MAP2K5: variants seen among roughly 807,000 people sequenced by gnomAD.
MAP2K5 encodes dual specificity mitogen-activated protein kinase kinase 5.
MAP2K5 carries 49 observed loss-of-function variants against 83.1 expected under a neutral mutation model. The ratio of observed to expected loss-of-function variants is 0.59; its 90% CI spans 0.47 to 0.75. The LOEUF (loss-of-function observed/expected upper bound fraction) is 0.75, where lower values mean the gene tolerates loss of function less well. Among genes scored for constraint, MAP2K5 ranks in the 30% least tolerant of loss-of-function variants. The pLI is 0.00. For missense variants in MAP2K5, 457 were observed against 557.5 expected, an observed-to-expected ratio of 0.82 and a Z score of 1.82; for synonymous variants, 202 against 191.8, an observed-to-expected ratio of 1.05 and a Z score of -0.44.
chr15:67,655,951 C>T (rs1596733284), intron 11 of MAP2K5, among the ~76,000 whole-genome samples: 1 of 152,052 alleles, frequency 6.6e-6, no homozygotes, highest in Non-Finnish European at 1.5e-5. Flanking sequence ...TTCCATTGAC[C>T]TATCTTTACC....
chr15:67,607,001 G>T (rs574398349), intron 8 of MAP2K5, among the ~76,000 whole-genome samples: 1 of 152,258 alleles, frequency 6.6e-6, no homozygotes, highest in African/African-American at 2.4e-5. Flanking sequence ...ACCCAGCTTC[G>T]CTTGTGGCTG....
chr15:67,624,589 TTGTGTGTGTGTGTG>T (rs71142388), intron 8 of MAP2K5, among the ~76,000 whole-genome samples: 29,797 of 141,618 alleles, frequency 0.21, 3,338 homozygotes, highest in East Asian at 0.41. Context: ...CACGATCTCT[TTGTGTGTGTGTGTG>T]TGTGTGTGTG....
In MAP2K5 at chr15:67,665,472, A is replaced by G. The variant is rs2087352328; in HGVS notation, c.847+827A>G. Among the ~76,000 whole-genome samples, 1 of 152,224 alleles carries G rather than the reference A, an allele frequency of 6.6e-6. No homozygotes were observed. Among genetic ancestry groups the G allele is most frequent in the Non-Finnish European group, 1.5e-5 (1 of 68,030 alleles). On this transcript the variant is annotated intron_variant, in intron 13 of 21. Transcript: ENST00000178640. The surrounding 1 kb of genome is among the most constrained non-coding windows in gnomAD (Gnocchi z 4.2). Reference sequence around the variant, plus strand: ...ATTTGGGGAATGGAACAGCATACACATTAGATGTGACTAAAGGAAAGTTTT... The same window carrying G: ...ATTTGGGGAATGGAACAGCATACACGTTAGATGTGACTAAAGGAAAGTTTT...
In MAP2K5 at chr15:67,785,234, C is replaced by T. The variant is rs975360093; in HGVS notation, c.1242+12482C>T. On this transcript the variant is annotated intron_variant, in intron 21 of 21. Coordinates refer to ENST00000178640, the MANE Select transcript of MAP2K5 (RefSeq NM_145160.3). The surrounding 1 kb of genome is among the most constrained non-coding windows in gnomAD (Gnocchi z 4.4). The stretch of plus-strand genomic sequence containing the variant: ...TGCTGGGATTACAGGTGTGAGCCAC[C>T]GTGCCCGGCCCCGAACTGTTTCTTA... Among the ~76,000 whole-genome samples the T allele has an allele frequency of 1.1e-4, 16 of 152,194 alleles. No individual in the cohort carries two copies. Among genetic ancestry groups the T allele is most frequent in the African/African-American group, 2.7e-4 (11 of 41,444 alleles).
chr15:67,621,934 A>G (rs970044138), intron 8 of MAP2K5, among the ~76,000 whole-genome samples: 1 of 152,206 alleles, frequency 6.6e-6, no homozygotes, highest in Non-Finnish European at 1.5e-5. Context: ...CTGTAATCCC[A>G]GCATTTTGGG....
At chr15:67,590,446 C>CTCTCTTT (rs1555529574) in intron 6 of MAP2K5, among the ~76,000 whole-genome samples, 1 of 30,544 alleles carries the variant, frequency 3.3e-5, no homozygotes, top group South Asian at 2.1e-3. Flanking sequence ...TCCCTCCCTC[C>CTCTCTTT]CTCTCTCTCT....
At position 67,769,738 on chromosome 15, in the gene MAP2K5, C is replaced by G. The variant is rs1472314965; in HGVS notation, c.1196+75C>G. ...CATTAACTCGGCAGCTCCGTGAGAC[C>G]TTATGGCTCTCCCTGCATCCTTTTG... On this transcript the variant is annotated intron_variant, in intron 20 of 21. Transcript: ENST00000178640. This position sits in a 1 kb window ranked among gnomAD's most constrained non-coding sequence, Gnocchi z 5.2. The G allele has an allele frequency of 7.0e-7, 1 of 1,434,862 alleles. No homozygotes were observed. Among genetic ancestry groups the G allele is most frequent in the Non-Finnish European group, 9.8e-7 (1 of 1,022,472 alleles). The allele number at this position is 1,434,862 out of a possible 1,614,324, so 88.9% of individuals were successfully genotyped here.
intron 3 of MAP2K5, among the ~76,000 whole-genome samples, chr15:67,564,150 G>T (rs1415491843): frequency 6.6e-6 from 1 of 152,176 alleles, no homozygotes; most frequent in Non-Finnish European, 1.5e-5. Flanking sequence ...GGAGACCTTA[G>T]CTCTACTGTG....
intron 17 of MAP2K5, among the ~76,000 whole-genome samples, chr15:67,737,960 T>C (rs2089380558): frequency 6.7e-6 from 1 of 148,938 alleles, no homozygotes; most frequent in Admixed American, 6.7e-5. Flanking sequence ...CAAGTGATTC[T>C]CCTGCCTCAG....
chr15:67,576,605 A>T (rs1399917618), intron 3 of MAP2K5, among the ~76,000 whole-genome samples: 1 of 147,710 alleles, frequency 6.8e-6, no homozygotes, highest in African/African-American at 2.5e-5. Flanking sequence ...AAGCTGATTG[A>T]TCTTTTACCC....
intron 8 of MAP2K5, among the ~76,000 whole-genome samples, chr15:67,609,951 C>A (rs539841127): frequency 2.0e-5 from 3 of 152,084 alleles, no homozygotes; most frequent in African/African-American, 7.2e-5. Context: ...AGGGCTTGAT[C>A]ATGCTGGGTC....
At chr15:67,701,820 C>G (rs2088427205) in intron 15 of MAP2K5, among the ~76,000 whole-genome samples, 1 of 152,210 alleles carries the variant, frequency 6.6e-6, no homozygotes, top group Non-Finnish European at 1.5e-5. Flanking sequence ...GAAATACTGA[C>G]CAGCTCAAGG....
intron 11 of MAP2K5, among the ~76,000 whole-genome samples, chr15:67,648,587 T>C (rs2086882156): frequency 6.6e-6 from 1 of 152,138 alleles, no homozygotes; most frequent in African/African-American, 2.4e-5. Context: ...CTTTTTTTTT[T>C]TTTGAAACAG....
Position 67,764,672 on chromosome 15 carries a change from A to G in MAP2K5, c.1135-4930A>G, listed in dbSNP as rs1194597499. Among the ~76,000 whole-genome samples, 1 of 152,228 alleles carries G rather than the reference A, an allele frequency of 6.6e-6. No homozygotes were observed. The highest frequency in any genetic ancestry group is 1.5e-5 in the Non-Finnish European group (1 of 68,042). On this transcript the variant is annotated intron_variant, in intron 19 of 21. Coordinates refer to ENST00000178640, the MANE Select transcript of MAP2K5 (RefSeq NM_145160.3). This position sits in a 1 kb window ranked among gnomAD's most constrained non-coding sequence, Gnocchi z 4.9. ...ACAAAAGCTGTTGAATGAATGAATG[A>G]ATAATGAATGATTGTATCATTTTTA... is the stretch of plus-strand genomic sequence containing the variant.
At chr15:67,804,266 G>C (rs1414367936) in intron 21 of MAP2K5, among the ~76,000 whole-genome samples, 1 of 152,240 alleles carries the variant, frequency 6.6e-6, no homozygotes, top group African/African-American at 2.4e-5. Context: ...ACAGTGCACA[G>C]CCTAGGACGC....
At position 67,755,637 on chromosome 15, in the gene MAP2K5, A is replaced by AT. The variant is rs1041782890; in HGVS notation, c.1134+7038dup. Among the ~76,000 whole-genome samples the AT allele has an allele frequency of 2.0e-5, 3 of 152,146 alleles. No homozygotes were observed. Among genetic ancestry groups the AT allele is most frequent in the Non-Finnish European group, 2.9e-5 (2 of 68,030 alleles). Reference sequence around the variant, plus strand: ...TTTGGTGGGGTAGATGATTGTCCCTATTCATAATGATTCTTTTTAGTACCA... The same window carrying AT: ...TTTGGTGGGGTAGATGATTGTCCCTATTTCATAATGATTCTTTTTAGTACCA... On this transcript the variant is annotated intron_variant, in intron 19 of 21. Coordinates refer to ENST00000178640, the MANE Select transcript of MAP2K5 (RefSeq NM_145160.3). This position sits in a 1 kb window ranked among gnomAD's most constrained non-coding sequence, Gnocchi z 4.7.
In MAP2K5 at chr15:67,717,715, A is replaced by G. The variant is rs2088860718; in HGVS notation, c.1045-10201A>G. On this transcript the variant is annotated intron_variant, in intron 16 of 21. Coordinates refer to ENST00000178640, the MANE Select transcript of MAP2K5 (RefSeq NM_145160.3). This position sits in a 1 kb window ranked among gnomAD's most constrained non-coding sequence, Gnocchi z 4.1. ...AGTGGTTAAGGATGGAAGATCCAAG[A>G]TGACTTCATATGCGTGTATGATGCT... Among the ~76,000 whole-genome samples, 1 of 152,210 alleles carries G rather than the reference A, an allele frequency of 6.6e-6. No individual in the cohort carries two copies.
In MAP2K5 at chr15:67,719,950, G is replaced by A. The variant is rs1240794029; in HGVS notation, c.1045-7966G>A. 6.6e-6 allele frequency among the ~76,000 whole-genome samples: 1 copy of A among 152,086 alleles called. No individual in the cohort carries two copies. Among genetic ancestry groups the A allele is most frequent in the Non-Finnish European group, 1.5e-5 (1 of 68,020 alleles). ...AAGACCTTTGCCATTGTTTTTAACT[G>A]ACTTTTAGAGATTTAGTTATATACC... is the stretch of plus-strand genomic sequence containing the variant. On this transcript the variant is annotated intron_variant, in intron 16 of 21. Coordinates refer to ENST00000178640, the MANE Select transcript of MAP2K5 (RefSeq NM_145160.3). The surrounding 1 kb of genome is among the most constrained non-coding windows in gnomAD (Gnocchi z 4.6).
At chr15:67,650,449 C>T (rs1256504480) in intron 11 of MAP2K5, among the ~76,000 whole-genome samples, 2 of 151,490 alleles carry the variant, frequency 1.3e-5, no homozygotes, top group African/African-American at 2.4e-5. Context: ...ATGATGTTAG[C>T]CATGGGTTTG....
Sources: allele counts gnomAD v4.1 joint callset (sites outside exome capture counted in the v4.1 genomes callset), GRCh38; gene constraint gnomAD v4.1.1; non-coding constraint Gnocchi (gnomAD v3.1); transcripts MANE v1.5; gene names NCBI Gene and HGNC (gene_info 2026-07-23, HGNC 2026-07-21).